The following CLPB variants were observed in gnomAD, a reference collection of about 807,000 sequenced individuals.
CLPB encodes the protein ClpB family mitochondrial disaggregase, also known as mitochondrial disaggregase.
Under a neutral mutation model 78.4 loss-of-function variants are expected in CLPB, and 40 were observed. The observed-to-expected ratio is 0.51, with a 90% confidence interval of 0.40 to 0.66. The LOEUF (loss-of-function observed/expected upper bound fraction) is 0.66. Ranked by LOEUF, CLPB falls within the 30% of genes least tolerant of loss-of-function variation. The probability of loss-of-function intolerance (pLI) is 0.00; values close to 1 mark genes in which losing one functional copy is unlikely to be tolerated. For missense variants in CLPB, 780 were observed against 886.9 expected (o/e 0.88, Z 1.53); for synonymous variants, 333 against 348.0 (o/e 0.96, Z 0.48).
At chr11:72,409,202 C>G (rs1590912007) in intron 2 of CLPB, among the ~76,000 whole-genome samples, 1 of 152,160 alleles carries the variant, frequency 6.6e-6, no homozygotes, top group African/African-American at 2.4e-5. Context: ...CCCTAATGAA[C>G]TAGGTCTCCT....
chr11:72,392,387 G>A (rs1855280096), intron 3 of CLPB, among the ~76,000 whole-genome samples: 1 of 152,120 alleles, frequency 6.6e-6, no homozygotes. Flanking sequence ...TCTCTGGCTG[G>A]TCAGGAAAGC....
At chr11:72,428,124 TC>T (rs1856440292) in intron 2 of CLPB, among the ~76,000 whole-genome samples, 1 of 152,102 alleles carries the variant, frequency 6.6e-6, no homozygotes, top group African/African-American at 2.4e-5. Context: ...TGGGTCACCA[TC>T]CCCATCCCCC....
In CLPB at chr11:72,346,599, A is replaced by G. The variant is rs1024908058; in HGVS notation, c.775+12281T>C. On this transcript the variant is annotated intron_variant, in intron 5 of 15. Coordinates refer to ENST00000538039, the MANE Select transcript of CLPB (RefSeq NM_001258392.3). ...AAATGCTATATGTTAAAAAAAAAAA[A>G]GATGGAGATATGCCACACTGGCCAA... 4.6e-5 allele frequency among the ~76,000 whole-genome samples: 7 copies of G among 151,872 alleles called. No homozygotes were observed. The East Asian group carries it at 1.2e-3, about 25-fold the overall frequency.
chr11:72,317,582 A>T (rs1949971277), intron 6 of CLPB, among the ~76,000 whole-genome samples: 2 of 152,228 alleles, frequency 1.3e-5, no homozygotes, highest in African/African-American at 4.8e-5. Flanking sequence ...ATTAAATATT[A>T]ATATGATGAT....
At chr11:72,315,782 C>CTTGG (rs1262041581) in intron 7 of CLPB, among the ~76,000 whole-genome samples, 4 of 152,216 alleles carry the variant, frequency 2.6e-5, no homozygotes, top group Non-Finnish European at 4.4e-5. Flanking sequence ...GTCCCTACCA[C>CTTGG]ACATGTGACA....
intron 4 of CLPB, among the ~76,000 whole-genome samples, chr11:72,362,005 G>C (rs1950847930): frequency 6.6e-6 from 1 of 152,208 alleles, no homozygotes. Context: ...GAGAGTGCTG[G>C]TGTCATAGCC....
intron 5 of CLPB, among the ~76,000 whole-genome samples, chr11:72,351,957 C>T (rs1028702090): frequency 1.3e-5 from 2 of 152,146 alleles, no homozygotes; most frequent in Non-Finnish European, 2.9e-5. Flanking sequence ...TCAATTTTCA[C>T]AAAACGGACA....
At chr11:72,338,592 T>C (rs937308700) in intron 5 of CLPB, among the ~76,000 whole-genome samples, 20 of 152,220 alleles carry the variant, frequency 1.3e-4, no homozygotes, top group African/African-American at 4.3e-4. Flanking sequence ...CTTTATGTTC[T>C]GCAGACTCGG....
At chr11:72,384,868 C>T (rs569150381) in intron 3 of CLPB, among the ~76,000 whole-genome samples, 7 of 152,018 alleles carry the variant, frequency 4.6e-5, no homozygotes, top group Non-Finnish European at 7.4e-5. Flanking sequence ...TATATATGCA[C>T]CTAACATCAC....
At chr11:72,387,761 C>A (rs1013419354) in intron 3 of CLPB, among the ~76,000 whole-genome samples, 5 of 152,106 alleles carry the variant, frequency 3.3e-5, no homozygotes, top group Non-Finnish European at 7.4e-5. Context: ...CAGATCTATA[C>A]CTGACCACCC....
chr11:72,356,869 T>C (rs937633147), intron 5 of CLPB: 1 of 152,300 alleles, frequency 6.6e-6, no homozygotes, highest in African/African-American at 2.4e-5. Flanking sequence ...TGTAAACTAC[T>C]GGACAATAGC....
Position 72,292,095 on chromosome 11 carries a change from CCT to C in CLPB, c.*1270_*1271del, listed in dbSNP as rs1401464079. The C allele has an allele frequency of 6.6e-6, 1 of 151,936 alleles. No individual in the cohort carries two copies. Among genetic ancestry groups the C allele is most frequent in the East Asian group, 1.9e-4 (1 of 5,186 alleles). 9.4% of individuals were successfully genotyped at this position (151,936 alleles called of 1,614,324 possible). On this transcript the variant is annotated 3_prime_UTR_variant, in exon 16 of 16. Transcript: ENST00000538039. ...GTCAGTGAGGTAGGGAGCAGCAGCCCCTGAGGGGTAGACAGTGATCCAAGCAT... is the reference window on the plus strand; with the variant it reads ...GTCAGTGAGGTAGGGAGCAGCAGCCCGAGGGGTAGACAGTGATCCAAGCAT...
At chr11:72,395,655 A>G (rs143892608) in intron 3 of CLPB, among the ~76,000 whole-genome samples, 4 of 152,364 alleles carry the variant, frequency 2.6e-5, no homozygotes, top group Non-Finnish European at 4.4e-5. Context: ...CACAAAGCCC[A>G]GCCTCCTTGG....
At chr11:72,419,731 T>C (rs1856133304) in intron 2 of CLPB, among the ~76,000 whole-genome samples, 1 of 152,188 alleles carries the variant, frequency 6.6e-6, no homozygotes, top group African/African-American at 2.4e-5. Flanking sequence ...TTCCTTATCC[T>C]TCAATTCCAA....
At chr11:72,350,507 G>A (rs1487521287) in intron 5 of CLPB, among the ~76,000 whole-genome samples, 1 of 152,046 alleles carries the variant, frequency 6.6e-6, no homozygotes, top group Admixed American at 6.6e-5. Context: ...ATAATTAGCT[G>A]GTAATTTTGT....
intron 6 of CLPB, among the ~76,000 whole-genome samples, chr11:72,323,101 T>C (rs1030618241): frequency 6.6e-5 from 10 of 152,186 alleles, no homozygotes. Flanking sequence ...AGAAACTTTC[T>C]ATCTGTTAGA....
chr11:72,344,833 G>GA (rs1950482816), intron 5 of CLPB, among the ~76,000 whole-genome samples: 1 of 151,984 alleles, frequency 6.6e-6, no homozygotes, highest in South Asian at 2.1e-4. Flanking sequence ...AAAATCAAGA[G>GA]AAAAACAAGA....
chr11:72,324,148 G>A (rs564339395), intron 6 of CLPB, among the ~76,000 whole-genome samples: 64 of 152,238 alleles, frequency 4.2e-4, no homozygotes, highest in African/African-American at 1.5e-3. Context: ...GTCTGAGGCA[G>A]GCTTTTGGGG....
chr11:72,363,441 G>A (rs1001576116), intron 4 of CLPB: 20 of 152,196 alleles, frequency 1.3e-4, no homozygotes, highest in African/African-American at 3.9e-4. Context: ...CCCAGAAGCC[G>A]GTGCCATCTA....
Sources: gnomAD v4.1 joint callset for allele counts (sites outside exome capture counted in the v4.1 genomes callset) on GRCh38, gnomAD v4.1.1 for gene constraint, MANE v1.5 for transcripts, NCBI Gene and HGNC (gene_info 2026-07-23, HGNC 2026-07-21) for gene names.